KCNMB2: variants seen among roughly 807,000 people sequenced by gnomAD.
KCNMB2 encodes calcium-activated potassium channel subunit beta-2.
A neutral mutation model predicts 24.5 loss-of-function variants in KCNMB2; 9 were observed. The observed-to-expected ratio is 0.37, with a 90% CI of 0.22 to 0.64. The LOEUF is 0.64. KCNMB2 is among the 30% of genes least tolerant of loss of function. The pLI, the probability that KCNMB2 is intolerant of heterozygous loss-of-function variation, is 0.63. For synonymous variants in KCNMB2, 109 were observed against 104.4 expected, an observed-to-expected ratio of 1.04 and a Z score of -0.27; for missense variants, 226 against 284.3, an observed-to-expected ratio of 0.79 and a Z score of 1.47.
At chr3:178,790,105 G>T (rs1713263808) in intron 1 of KCNMB2, among the ~76,000 whole-genome samples, 1 of 151,802 alleles carries the variant, frequency 6.6e-6, no homozygotes, top group African/African-American at 2.4e-5. Flanking sequence ...AGAGTCCTAA[G>T]GACTCTATTC....
At chr3:178,789,839 T>C (rs1213077224) in intron 1 of KCNMB2, among the ~76,000 whole-genome samples, 1 of 152,082 alleles carries the variant, frequency 6.6e-6, no homozygotes, top group Non-Finnish European at 1.5e-5. Flanking sequence ...CCACAAGGAC[T>C]GCAATTCCTG....
rs138633626 is a variant in KCNMB2, at chr3:178,619,084, T to C, written c.-68+82373T>C. Reference sequence around the variant, plus strand: ...TCATCGTTAATTCTTTCAGCCAACATTTACTGAGCAGCTGCCATGTATCAG... The same window carrying C: ...TCATCGTTAATTCTTTCAGCCAACACTTACTGAGCAGCTGCCATGTATCAG... On this transcript the variant is annotated intron_variant, in intron 1 of 4. Transcript: ENST00000452583. 5.9e-3 allele frequency among the ~76,000 whole-genome samples: 891 copies of C among 152,260 alleles called. 4 individuals are homozygous for C. Among genetic ancestry groups the C allele is most frequent in the African/African-American group, 0.02 (836 of 41,530 alleles).
intron 1 of KCNMB2, among the ~76,000 whole-genome samples, chr3:178,674,044 TG>T (rs1293577379): frequency 5.3e-5 from 8 of 152,216 alleles, no homozygotes; most frequent in African/African-American, 1.9e-4. Context: ...CAGAAACATT[TG>T]ACACCATTGA....
At chr3:178,703,520 A>AT (rs1428165693) in intron 1 of KCNMB2, among the ~76,000 whole-genome samples, 1 of 151,910 alleles carries the variant, frequency 6.6e-6, no homozygotes, top group Non-Finnish European at 1.5e-5. Flanking sequence ...CCCCCCCAAA[A>AT]AAAGTAGCTG....
chr3:178,799,702 A>G (rs1228330872), intron 1 of KCNMB2, among the ~76,000 whole-genome samples: 1 of 152,192 alleles, frequency 6.6e-6, no homozygotes, highest in African/African-American at 2.4e-5. Flanking sequence ...GAAACACAAA[A>G]GACCTAGAGT....
At chr3:178,543,023 T>A (rs1715671372) in intron 1 of KCNMB2, among the ~76,000 whole-genome samples, 1 of 152,232 alleles carries the variant, frequency 6.6e-6, no homozygotes, top group Non-Finnish European at 1.5e-5. Context: ...GACCTATTTG[T>A]ATTAAACTAT....
intron 1 of KCNMB2, among the ~76,000 whole-genome samples, chr3:178,558,048 T>C (rs1452237902): frequency 6.6e-6 from 1 of 152,196 alleles, no homozygotes; most frequent in East Asian, 1.9e-4. Flanking sequence ...AAATTGGTTT[T>C]AGCTCTTTGC....
chr3:178,675,801 G>C (rs1179601524), intron 1 of KCNMB2, among the ~76,000 whole-genome samples: 2 of 152,144 alleles, frequency 1.3e-5, no homozygotes, highest in Non-Finnish European at 1.5e-5. Context: ...CCGGTGGCTA[G>C]AGGAGTCTCT....
At chr3:178,814,408 A>C (rs908662847) in intron 2 of KCNMB2, among the ~76,000 whole-genome samples, 3 of 152,212 alleles carry the variant, frequency 2.0e-5, no homozygotes, top group Admixed American at 2.0e-4. Flanking sequence ...TACTATTATG[A>C]ATAGTGCTTT....
chr3:178,619,211 T>G (rs1718821267), intron 1 of KCNMB2, among the ~76,000 whole-genome samples: 1 of 152,174 alleles, frequency 6.6e-6, no homozygotes, highest in African/African-American at 2.4e-5. Flanking sequence ...CTGGAGGGCC[T>G]TATATACTAT....
chr3:178,631,182 G>A (rs926167901), intron 1 of KCNMB2, among the ~76,000 whole-genome samples: 1 of 152,140 alleles, frequency 6.6e-6, no homozygotes, highest in Non-Finnish European at 1.5e-5. Flanking sequence ...CGGGGTAAAA[G>A]TTACTCCTTA....
intron 1 of KCNMB2, among the ~76,000 whole-genome samples, chr3:178,725,766 T>C (rs999555114): frequency 6.6e-6 from 1 of 152,030 alleles, no homozygotes; most frequent in Admixed American, 6.6e-5. Flanking sequence ...GTCCATTTAC[T>C]TTTGATTAGT....
intron 1 of KCNMB2, among the ~76,000 whole-genome samples, chr3:178,751,957 G>A (rs1723866516): frequency 1.3e-5 from 2 of 152,174 alleles, no homozygotes; most frequent in Admixed American, 6.5e-5. Context: ...ACCTGCCCAA[G>A]GAAGTTAACT....
intron 1 of KCNMB2, among the ~76,000 whole-genome samples, chr3:178,779,615 G>A (rs1712739526): frequency 6.6e-6 from 1 of 152,136 alleles, no homozygotes; most frequent in Non-Finnish European, 1.5e-5. Flanking sequence ...GAGTTTCTCA[G>A]TATCAATTTT....
intron 1 of KCNMB2, among the ~76,000 whole-genome samples, chr3:178,573,592 A>C (rs1249929412): frequency 6.6e-6 from 1 of 150,878 alleles, no homozygotes; most frequent in Non-Finnish European, 1.5e-5. Context: ...ATAAAAAAAA[A>C]AAAAAAACTA....
At chr3:178,594,359 T>C (rs192214521) in intron 1 of KCNMB2, among the ~76,000 whole-genome samples, 251 of 152,210 alleles carry the variant, frequency 1.6e-3, no homozygotes, top group Middle Eastern at 3.4e-3. Flanking sequence ...TACATTAACC[T>C]GAGCAAGAAA....
chr3:178,587,533 C>G (rs528060663), intron 1 of KCNMB2, among the ~76,000 whole-genome samples: 73 of 152,214 alleles, frequency 4.8e-4, no homozygotes, highest in African/African-American at 1.7e-3. Context: ...AAGTGATTCT[C>G]CTGCCTCAGC....
chr3:178,588,324 G>A (rs1384734970), intron 1 of KCNMB2, among the ~76,000 whole-genome samples: 2 of 152,096 alleles, frequency 1.3e-5, no homozygotes, highest in African/African-American at 4.8e-5. Context: ...TCCTATTAGT[G>A]TATAATTCAT....
intron 1 of KCNMB2, among the ~76,000 whole-genome samples, chr3:178,571,453 T>G (rs1487475240): frequency 2.4e-4 from 9 of 37,074 alleles, no homozygotes; most frequent in Admixed American, 2.1e-3. Flanking sequence ...TATGGATATA[T>G]ATATATATAT....
Sources: allele counts gnomAD v4.1 joint callset (sites outside exome capture counted in the v4.1 genomes callset), GRCh38; gene constraint gnomAD v4.1.1; transcripts MANE v1.5; gene names NCBI Gene and HGNC (gene_info 2026-07-23, HGNC 2026-07-21).